Variants in PRDM10 observed in about 807,000 individuals in gnomAD.
PRDM10 encodes the protein PR domain zinc finger protein 10.
Under a neutral mutation model 133.1 loss-of-function variants are expected in PRDM10, and 65 were observed. The observed-to-expected ratio is 0.49, with a 90% CI of 0.40 to 0.60. The LOEUF is 0.60. PRDM10 is among the 20% of genes least tolerant of loss of function. The pLI is 0.00. For synonymous variants in PRDM10, 582 were observed against 580.4 expected, an observed-to-expected ratio of 1.00 and a Z score of -0.04; for missense variants, 1,137 against 1,507.1, an observed-to-expected ratio of 0.75 and a Z score of 4.07.
intron 1 of PRDM10, among the ~76,000 whole-genome samples, chr11:130,001,976 G>A (rs895465263): frequency 1.2e-4 from 18 of 151,210 alleles, no homozygotes; most frequent in Admixed American, 1.1e-3. Context: ...CCCCGGTCCC[G>A]GACGCTAGCT....
intron 1 of PRDM10, among the ~76,000 whole-genome samples, chr11:129,974,435 G>A (rs1937643131): frequency 6.6e-6 from 1 of 152,152 alleles, no homozygotes; most frequent in African/African-American, 2.4e-5. Context: ...GGAATAAATG[G>A]AGTGGGAGTG....
At chr11:129,937,039 A>T (rs1202936315) in intron 8 of PRDM10, among the ~76,000 whole-genome samples, 2 of 152,252 alleles carry the variant, frequency 1.3e-5, no homozygotes, top group Non-Finnish European at 2.9e-5. Flanking sequence ...ATATAATTCT[A>T]TTATGCACAA....
intron 5 of PRDM10, among the ~76,000 whole-genome samples, chr11:129,946,606 C>T (rs926550521): frequency 1.3e-5 from 2 of 152,144 alleles, no homozygotes; most frequent in African/African-American, 4.8e-5. Flanking sequence ...GCCAGACTGC[C>T]TGAACTGGAG....
intron 4 of PRDM10, among the ~76,000 whole-genome samples, chr11:129,950,083 A>C (rs1233869221): frequency 6.6e-6 from 1 of 151,802 alleles, no homozygotes; most frequent in Non-Finnish European, 1.5e-5. Flanking sequence ...AAAAAATACA[A>C]AATTTAGCTG....
chr11:129,981,624 G>A (rs148731316), intron 1 of PRDM10, among the ~76,000 whole-genome samples: 4 of 151,674 alleles, frequency 2.6e-5, no homozygotes, highest in Non-Finnish European at 4.4e-5. Context: ...GGCCAGGTGC[G>A]GTGCCTCATG....
chr11:129,923,340 C>A lies in PRDM10; in HGVS notation c.1942G>T (p.Ala648Ser), dbSNP rs188350810. 59 of 1,612,190 alleles carry A rather than the reference C, an allele frequency of 3.7e-5. No individual in the cohort carries two copies. In the East Asian group the frequency reaches 1.0e-3, roughly 29 times the overall value. ...CGCAGTTTATCGGGGCGACAGAAGG[C>A]CTTGTCACACTCTGTGCACTGGTAG... Reference protein sequence around the residue: ...KIYQCTECDKAFCRPDKLRLH... With the variant: ...KIYQCTECDKSFCRPDKLRLH... Residue 648 changes from alanine (A) to serine (S), a missense_variant, in exon 13 of 21, where the codon GCC becomes TCC. Physicochemically the swap from Ala to Ser is moderately conservative, Grantham distance 99 (BLOSUM62 1). Coordinates refer to ENST00000360871, the MANE Select transcript of PRDM10 (RefSeq NM_199437.2). This position sits in a 1 kb window ranked among gnomAD's most constrained non-coding sequence, Gnocchi z 4.4.
Position 129,901,123 on chromosome 11 carries a change from A to G in PRDM10, c.*1190T>C, listed in dbSNP as rs1375905288. 1 of 152,620 alleles carries G rather than the reference A, an allele frequency of 6.6e-6. No homozygotes were observed. Among genetic ancestry groups the G allele is most frequent in the African/African-American group, 2.4e-5 (1 of 41,458 alleles). 9.5% of individuals were successfully genotyped at this position (152,620 alleles called of 1,614,324 possible). A position where few individuals can be genotyped will look rare whatever the true frequency, so the allele number is the denominator to read the frequency against. On this transcript the variant is annotated 3_prime_UTR_variant, in exon 21 of 21. Transcript: ENST00000360871. ...TGCCCAACTAATAGTATATTCATAA[A>G]GACTGGATTTCTTCCAGATCCCTTA...
At chr11:129,949,479 G>A (rs1951522509) in intron 4 of PRDM10, among the ~76,000 whole-genome samples, 2 of 152,248 alleles carry the variant, frequency 1.3e-5, no homozygotes, top group Admixed American at 1.3e-4. Context: ...TGAGCATAAA[G>A]TAGGTGTTCA....
intron 8 of PRDM10, among the ~76,000 whole-genome samples, chr11:129,935,465 C>G (rs1324119365): frequency 6.6e-6 from 1 of 152,092 alleles, no homozygotes; most frequent in Non-Finnish European, 1.5e-5. Flanking sequence ...CTCACATCAC[C>G]CTCTCACAGT....
At chr11:129,993,567 C>T (rs4937475) in intron 1 of PRDM10, among the ~76,000 whole-genome samples, 16,726 of 152,046 alleles carry the variant, frequency 0.11, 1,170 homozygotes, top group African/African-American at 0.19. Context: ...TCACTGCAAG[C>T]TCTGCCTCCT....
intron 4 of PRDM10, among the ~76,000 whole-genome samples, chr11:129,949,863 G>A: frequency 6.6e-6 from 1 of 152,032 alleles, no homozygotes; most frequent in East Asian, 1.9e-4. Flanking sequence ...GAACCCAGGA[G>A]GCGGAGGTTG....
chr11:129,972,327 G>A (rs1415438548), intron 1 of PRDM10, among the ~76,000 whole-genome samples: 1 of 152,264 alleles, frequency 6.6e-6, no homozygotes, highest in Non-Finnish European at 1.5e-5. Context: ...AACCCAGGCA[G>A]AGGAGGTGCC....
intron 2 of PRDM10, among the ~76,000 whole-genome samples, chr11:129,959,266 C>T (rs892680466): frequency 9.2e-5 from 14 of 152,176 alleles, no homozygotes; most frequent in Non-Finnish European, 1.9e-4. Context: ...CTGGCTTCTA[C>T]ATAAATTTGA....
chr11:129,999,623 A>G (rs995676379), intron 1 of PRDM10, among the ~76,000 whole-genome samples: 24 of 152,326 alleles, frequency 1.6e-4, no homozygotes, highest in African/African-American at 5.5e-4. Context: ...TTTACCAGAT[A>G]TAATTACGCG....
In PRDM10 at chr11:129,944,763, T is replaced by C. The variant is rs762775005; in HGVS notation, c.762+8A>G. ...GACAGGAGTGAAGTGTGATAGAGCA[T>C]AAATTACCTTGAGGTGAATGTAACA... On this transcript the variant is annotated splice_region_variant and intron_variant, in intron 6 of 20. Coordinates refer to ENST00000360871, the MANE Select transcript of PRDM10 (RefSeq NM_199437.2). The C allele has an allele frequency of 1.9e-6, 3 of 1,613,636 alleles. No homozygotes were observed. Among genetic ancestry groups the C allele is most frequent in the African/African-American group, 1.3e-5 (1 of 74,860 alleles).
intron 1 of PRDM10, among the ~76,000 whole-genome samples, chr11:129,990,920 G>A (rs762443005): frequency 5.9e-5 from 9 of 152,032 alleles, no homozygotes; most frequent in Non-Finnish European, 1.0e-4. Flanking sequence ...TAAAAACTCC[G>A]TCTCACTGGC....
At chr11:129,953,001 C>T (rs934204221) in intron 4 of PRDM10, among the ~76,000 whole-genome samples, 7 of 151,130 alleles carry the variant, frequency 4.6e-5, no homozygotes, top group African/African-American at 1.5e-4. Context: ...GAGACAGAGT[C>T]TCACTCTTAT....
intron 4 of PRDM10, among the ~76,000 whole-genome samples, chr11:129,949,612 C>T (rs899819630): frequency 7.2e-5 from 11 of 152,112 alleles, no homozygotes; most frequent in Non-Finnish European, 1.2e-4. Flanking sequence ...GCATCTTAAT[C>T]GAAGAACTTA....
At chr11:129,944,693 A>G in intron 6 of PRDM10, 78 bp downstream of exon 6, 3 of 1,540,542 alleles carry the variant, frequency 1.9e-6, no homozygotes, top group Non-Finnish European at 2.6e-6. Flanking sequence ...AACAGGAATA[A>G]GAGACTGAGT....
Sources: gnomAD v4.1 joint callset for allele counts (sites outside exome capture counted in the v4.1 genomes callset) on GRCh38, gnomAD v4.1.1 for gene constraint, Gnocchi (gnomAD v3.1) non-coding constraint, MANE v1.5 for transcripts, NCBI Gene and HGNC (gene_info 2026-07-23, HGNC 2026-07-21) for gene names.